The following TGFBR3 variants were observed in gnomAD, a reference collection of about 807,000 sequenced individuals.
TGFBR3 encodes the protein transforming growth factor beta receptor 3, also known as transforming growth factor beta receptor type 3.
Under a neutral mutation model 87.9 loss-of-function variants are expected in TGFBR3, and 46 were observed. That is an observed-to-expected ratio of 0.52 (90% CI 0.41 to 0.67). TGFBR3 has a LOEUF of 0.67. TGFBR3 is among the 30% of genes least tolerant of loss of function. The pLI, the probability that TGFBR3 is intolerant of heterozygous loss-of-function variation, is 0.00. For missense variants in TGFBR3, 866 were observed against 1,041.9 expected (o/e 0.83, Z 2.32); for synonymous variants, 381 against 391.6 (o/e 0.97, Z 0.32).
chr1:91,758,469 A>T (rs1673827689), intron 4 of TGFBR3, 144 bp downstream of exon 4: 1 of 991,972 alleles, frequency 1.0e-6, no homozygotes, highest in Non-Finnish European at 1.6e-6. Flanking sequence ...TCCAAATATC[A>T]CTAAGTGCAT....
At position 91,737,541 on chromosome 1, in the gene TGFBR3, C is replaced by G. The variant is rs6687794; in HGVS notation, c.385-2582G>C. 3.4e-3 allele frequency among the ~76,000 whole-genome samples: 512 copies of G among 152,146 alleles called. 2 individuals carry two copies. Among genetic ancestry groups the G allele is most frequent in the African/African-American group, 0.012 (488 of 41,512 alleles). On this transcript the variant is annotated intron_variant, in intron 4 of 16. Transcript: ENST00000212355. ...GGTCACAGCTGGCCTCTGCTTGCACCCTTCCAGAAAGAAGACCTCACTAGC... is the reference window on the plus strand; with the variant it reads ...GGTCACAGCTGGCCTCTGCTTGCACGCTTCCAGAAAGAAGACCTCACTAGC...
At chr1:91,727,943 T>C in intron 6 of TGFBR3, 137 bp from the exon 7 acceptor site, 1 of 958,260 alleles carries the variant, frequency 1.0e-6, no homozygotes, top group East Asian at 2.6e-5. Context: ...GCCAATGACA[T>C]GTGCAAAACA....
At chr1:91,712,922 A>G (rs891664496) in intron 12 of TGFBR3, among the ~76,000 whole-genome samples, 2 of 152,258 alleles carry the variant, frequency 1.3e-5, no homozygotes, top group African/African-American at 4.8e-5. Flanking sequence ...TAATGTTTTA[A>G]TAGTACAACA....
At chr1:91,815,406 G>T (rs1676186702) in intron 2 of TGFBR3, among the ~76,000 whole-genome samples, 1 of 152,088 alleles carries the variant, frequency 6.6e-6, no homozygotes, top group African/African-American at 2.4e-5. Flanking sequence ...CATGGCATTT[G>T]AGAAGTGTTT....
At chr1:91,812,499 AT>A (rs1437834499) in intron 2 of TGFBR3, among the ~76,000 whole-genome samples, 1 of 152,082 alleles carries the variant, frequency 6.6e-6, no homozygotes, top group Non-Finnish European at 1.5e-5. Context: ...CTTATTGTAT[AT>A]TTTTCTTGAA....
At chr1:91,751,406 T>C (rs1673536964) in intron 4 of TGFBR3, among the ~76,000 whole-genome samples, 1 of 152,164 alleles carries the variant, frequency 6.6e-6, no homozygotes, top group Non-Finnish European at 1.5e-5. Flanking sequence ...CACGGTGGTA[T>C]GGGCTGTGCG....
intron 2 of TGFBR3, among the ~76,000 whole-genome samples, chr1:91,845,216 C>A (rs1319617283): frequency 6.6e-6 from 1 of 152,178 alleles, no homozygotes; most frequent in Non-Finnish European, 1.5e-5. Flanking sequence ...CATTAGAATT[C>A]TTTTCTTCTG....
intron 3 of TGFBR3, among the ~76,000 whole-genome samples, chr1:91,764,715 G>C (rs993458390): frequency 6.6e-6 from 1 of 152,154 alleles, no homozygotes; most frequent in African/African-American, 2.4e-5. Flanking sequence ...TCATTCTTTG[G>C]CATTAAGATA....
chr1:91,791,171 T>G (rs745742166), intron 3 of TGFBR3, among the ~76,000 whole-genome samples: 1 of 152,144 alleles, frequency 6.6e-6, no homozygotes, highest in Admixed American at 6.5e-5. Flanking sequence ...GCTAGTTCTC[T>G]CTTACCACAC....
intron 1 of TGFBR3, among the ~76,000 whole-genome samples, chr1:91,863,604 T>C (rs1009159492): frequency 2.6e-5 from 4 of 152,230 alleles, no homozygotes; most frequent in African/African-American, 9.6e-5. Flanking sequence ...GAAATTAAGA[T>C]ATAGCTATTT....
chr1:91,846,713 T>G (rs911093980), intron 2 of TGFBR3, among the ~76,000 whole-genome samples: 17 of 151,326 alleles, frequency 1.1e-4, no homozygotes, highest in Admixed American at 2.0e-4. Flanking sequence ...GTATACTAGG[T>G]TTTTTTTTAC....
intron 14 of TGFBR3, among the ~76,000 whole-genome samples, chr1:91,704,153 C>T (rs1303077872): frequency 6.6e-6 from 1 of 151,950 alleles, no homozygotes; most frequent in East Asian, 1.9e-4. Flanking sequence ...CATGGTGAAA[C>T]CCCATCTCTA....
upstream of TGFBR3, among the ~76,000 whole-genome samples, chr1:91,887,236 C>CTTTTT (rs71087977): frequency 9.7e-5 from 4 of 41,414 alleles, 1 homozygote; most frequent in Admixed American, 4.4e-4. Flanking sequence ...GGACCTATGC[C>CTTTTT]TTTTTTTTTT....
chr1:91,882,831 T>G (rs1263886158), intron 1 of TGFBR3, among the ~76,000 whole-genome samples: 1 of 152,186 alleles, frequency 6.6e-6, no homozygotes, highest in East Asian at 1.9e-4. Context: ...GTATGAGTAT[T>G]CATAGACACA....
At chr1:91,793,805 CAAAAAAAA>C (rs57943201) in intron 3 of TGFBR3, among the ~76,000 whole-genome samples, 5 of 99,058 alleles carry the variant, frequency 5.0e-5, no homozygotes, top group South Asian at 7.0e-4. Context: ...GACTCTGTCT[CAAAAAAAA>C]AAAAAAAAAA....
At chr1:91,709,006 G>A (rs2296620) in intron 13 of TGFBR3, among the ~76,000 whole-genome samples, 30,133 of 152,132 alleles carry the variant, frequency 0.2, 3,264 homozygotes, top group Middle Eastern at 0.3. Context: ...AAATATCACT[G>A]GATAGCTTCT....
chr1:91,709,182 C>T (rs551871669), intron 13 of TGFBR3, among the ~76,000 whole-genome samples: 1 of 152,312 alleles, frequency 6.6e-6, no homozygotes, highest in East Asian at 1.9e-4. Context: ...CATAAAGACG[C>T]TCCTCAACTT....
intron 1 of TGFBR3, among the ~76,000 whole-genome samples, chr1:91,878,667 T>G (rs1571598373): frequency 6.6e-6 from 1 of 152,236 alleles, no homozygotes; most frequent in East Asian, 1.9e-4. Flanking sequence ...GACTAGTATC[T>G]GTAAAGATCA....
intron 2 of TGFBR3, among the ~76,000 whole-genome samples, chr1:91,814,645 T>TA (rs897904240): frequency 6.6e-6 from 1 of 152,106 alleles, no homozygotes; most frequent in Non-Finnish European, 1.5e-5. Flanking sequence ...AATTACTTAA[T>TA]AAACCCCTTC....
Sources: allele counts gnomAD v4.1 joint callset (sites outside exome capture counted in the v4.1 genomes callset), GRCh38; gene constraint gnomAD v4.1.1; transcripts MANE v1.5; gene names NCBI Gene and HGNC (gene_info 2026-07-23, HGNC 2026-07-21).